The following SPRED1 variants were observed in gnomAD, a reference collection of about 807,000 sequenced individuals.
SPRED1 encodes the protein sprouty-related, EVH1 domain-containing protein 1.
A neutral mutation model predicts 52.3 loss-of-function variants in SPRED1; 18 were observed. The ratio of observed to expected loss-of-function variants is 0.34; its 90% CI spans 0.24 to 0.51. SPRED1 has a LOEUF of 0.51. SPRED1 is among the 20% of genes least tolerant of loss of function. The pLI, the probability that SPRED1 is intolerant of heterozygous loss-of-function variation, is 0.97. For missense variants in SPRED1, 485 were observed against 551.0 expected, an observed-to-expected ratio of 0.88 and a Z score of 1.20; for synonymous variants, 155 against 179.7, an observed-to-expected ratio of 0.86 and a Z score of 1.10.
chr15:38,274,913 A>G (rs952644393), intron 1 of SPRED1, among the ~76,000 whole-genome samples: 3 of 152,202 alleles, frequency 2.0e-5, no homozygotes, highest in Non-Finnish European at 4.4e-5. Flanking sequence ...GATATATCCC[A>G]TTACTGGTAA....
chr15:38,349,614 G>C (rs1888438527), intron 6 of SPRED1, 91 bp downstream of exon 6: 1 of 924,908 alleles, frequency 1.1e-6, no homozygotes, highest in South Asian at 1.4e-5. Context: ...CCATATAGTT[G>C]AATTGTACTA....
chr15:38,292,100 TA>T (rs1894935540), intron 1 of SPRED1, among the ~76,000 whole-genome samples: 1 of 152,182 alleles, frequency 6.6e-6, no homozygotes, highest in Admixed American at 6.5e-5. Context: ...CCAGATACCC[TA>T]AATCATCTCT....
intron 1 of SPRED1, among the ~76,000 whole-genome samples, chr15:38,270,168 A>G (rs910682204): frequency 3.3e-5 from 5 of 152,218 alleles, no homozygotes; most frequent in South Asian, 2.1e-4. Flanking sequence ...CGGCCTCCCA[A>G]AGTACTGGGA....
intron 1 of SPRED1, among the ~76,000 whole-genome samples, chr15:38,273,758 T>C (rs1287038131): frequency 6.6e-6 from 1 of 152,134 alleles, no homozygotes; most frequent in Non-Finnish European, 1.5e-5. Flanking sequence ...CTAAATCATG[T>C]AAATGGCCCA....
chr15:38,312,103 TTTTG>T (rs1449954200), intron 2 of SPRED1, among the ~76,000 whole-genome samples: 1 of 152,176 alleles, frequency 6.6e-6, no homozygotes, highest in Non-Finnish European at 1.5e-5. Context: ...ATACATACTT[TTTTG>T]TTTAACTTTC....
intron 1 of SPRED1, among the ~76,000 whole-genome samples, chr15:38,257,630 T>G (rs1409121144): frequency 6.6e-6 from 1 of 152,220 alleles, no homozygotes; most frequent in Non-Finnish European, 1.5e-5. Context: ...ACCCGTGTTA[T>G]ATCCACAAGA....
intron 1 of SPRED1, among the ~76,000 whole-genome samples, chr15:38,296,982 A>G (rs1595732157): frequency 1.3e-5 from 2 of 152,134 alleles, no homozygotes; most frequent in Non-Finnish European, 2.9e-5. Flanking sequence ...GTAAGGACAC[A>G]GCATTCCTCC....
chr15:38,252,863 A>G lies in SPRED1; in HGVS notation c.-323A>G. 1 of 434,676 alleles carries G rather than the reference A, an allele frequency of 2.3e-6. No homozygotes were observed. Among genetic ancestry groups the G allele is most frequent in the Non-Finnish European group, 4.3e-6 (1 of 234,488 alleles). 26.9% of individuals were successfully genotyped at this position (434,676 alleles called of 1,614,324 possible). A position where few individuals can be genotyped will look rare whatever the true frequency, so the allele number is the denominator to read the frequency against. On this transcript the variant is annotated 5_prime_UTR_variant, in exon 1 of 7. Coordinates refer to ENST00000299084, the MANE Select transcript of SPRED1 (RefSeq NM_152594.3). Reference sequence around the variant, plus strand: ...TGCGCTCCACCCCAGTGGCTGGAGGAGCAGCTCTCCAGTCAGCCTTTGCAG... The same window carrying G: ...TGCGCTCCACCCCAGTGGCTGGAGGGGCAGCTCTCCAGTCAGCCTTTGCAG...
At chr15:38,300,339 C>T (rs772974491) in intron 2 of SPRED1, among the ~76,000 whole-genome samples, 5 of 152,052 alleles carry the variant, frequency 3.3e-5, no homozygotes, top group African/African-American at 4.8e-5. Flanking sequence ...TACACTTAGA[C>T]GCAAAATAAA....
At chr15:38,256,822 C>CAT (rs35751987) in intron 1 of SPRED1, among the ~76,000 whole-genome samples, 128 of 150,852 alleles carry the variant, frequency 8.5e-4, no homozygotes, top group Middle Eastern at 6.8e-3. Flanking sequence ...CACACACACA[C>CAT]ATATATATAT....
At chr15:38,288,607 A>G (rs1333102042) in intron 1 of SPRED1, among the ~76,000 whole-genome samples, 3 of 152,196 alleles carry the variant, frequency 2.0e-5, no homozygotes, top group African/African-American at 7.2e-5. Context: ...AACAGCGTCT[A>G]GAGCCCCACG....
At position 38,255,992 on chromosome 15, in the gene SPRED1, A is replaced by G. The variant is rs1044837373; in HGVS notation, c.32+2775A>G. 5.4e-4 allele frequency among the ~76,000 whole-genome samples: 25 copies of G among 45,876 alleles called. No individual in the cohort carries two copies. In the Admixed American group the frequency reaches 5.8e-3, roughly 11 times the overall value. The allele number at this position is 45,876 out of a possible 152,430, so 30.1% of individuals were successfully genotyped here. A position where few individuals can be genotyped will look rare whatever the true frequency, so the allele number is the denominator to read the frequency against. ...GGGCCTCATTCTGAAATCCTCGAGT[A>G]CATGCTTATTATTTGAAATTAAAGT... On this transcript the variant is annotated intron_variant, in intron 1 of 6. Transcript: ENST00000299084.
chr15:38,345,445 A>G (rs908723856), intron 5 of SPRED1, among the ~76,000 whole-genome samples: 1 of 152,222 alleles, frequency 6.6e-6, no homozygotes, highest in Admixed American at 6.5e-5. Context: ...TCTACAACAG[A>G]GGAACAACCT....
At position 38,253,105 on chromosome 15, in the gene SPRED1, C is replaced by T; in HGVS notation, c.-81C>T. 3.0e-6 allele frequency: 4 copies of T among 1,335,020 alleles called. No individual in the cohort carries two copies. The highest frequency in any genetic ancestry group is 3.2e-6 in the Non-Finnish European group (3 of 952,118). 82.7% of individuals were successfully genotyped at this position (1,335,020 alleles called of 1,614,324 possible). On this transcript the variant is annotated 5_prime_UTR_variant, in exon 1 of 7. Coordinates refer to ENST00000299084, the MANE Select transcript of SPRED1 (RefSeq NM_152594.3). ...CCCCGCGCCCCCCCGGCCGCCGCTG[C>T]CTCCTGCCCCTCGGTGCTGCTGTTG...
intron 2 of SPRED1, among the ~76,000 whole-genome samples, chr15:38,315,048 C>G (rs1467801524): frequency 6.6e-6 from 1 of 151,710 alleles, no homozygotes; most frequent in Non-Finnish European, 1.5e-5. Flanking sequence ...TAACATAATT[C>G]TATATAGAAT....
chr15:38,314,465 T>G (rs1008685020), intron 2 of SPRED1, among the ~76,000 whole-genome samples: 2 of 151,948 alleles, frequency 1.3e-5, no homozygotes, highest in African/African-American at 4.8e-5. Context: ...AATGTCAAGT[T>G]TAATTCCAGC....
At chr15:38,264,588 T>G (rs4923782) in intron 1 of SPRED1, among the ~76,000 whole-genome samples, 117,907 of 151,964 alleles carry the variant, frequency 0.78, 47,116 homozygotes, top group South Asian at 0.87. Context: ...GAGTGAACAG[T>G]ATGGATGTTT....
At chr15:38,331,231 A>G (rs1186038613) in intron 4 of SPRED1, among the ~76,000 whole-genome samples, 2 of 152,150 alleles carry the variant, frequency 1.3e-5, no homozygotes, top group Non-Finnish European at 2.9e-5. Flanking sequence ...GCCAGCATAC[A>G]ATACTAAAAG....
intron 4 of SPRED1, among the ~76,000 whole-genome samples, chr15:38,325,279 T>G (rs1198059377): frequency 6.6e-6 from 1 of 152,216 alleles, no homozygotes; most frequent in African/African-American, 2.4e-5. Flanking sequence ...AAAATTACCT[T>G]CAGCCTGTGT....
Sources: gnomAD v4.1 joint callset for allele counts (sites outside exome capture counted in the v4.1 genomes callset) on GRCh38, gnomAD v4.1.1 for gene constraint, MANE v1.5 for transcripts, NCBI Gene and HGNC (gene_info 2026-07-23, HGNC 2026-07-21) for gene names.